Variants in CACNA1H observed in about 807,000 individuals in gnomAD.
The protein encoded by CACNA1H is voltage-dependent T-type calcium channel subunit alpha-1H.
In CACNA1H, 149 loss-of-function variants were observed where a neutral mutation model predicts 192.5. The observed-to-expected ratio is 0.77, with a 90% CI of 0.68 to 0.89. The LOEUF is 0.89. Ranked by LOEUF, CACNA1H falls within the 40% of genes least tolerant of loss-of-function variation. The probability of loss-of-function intolerance (pLI) is 0.00; values close to 1 mark genes in which losing one functional copy is unlikely to be tolerated. For synonymous variants in CACNA1H, 2,202 were observed against 1,475.2 expected, an observed-to-expected ratio of 1.49 and a Z score of -11.29; for missense variants, 4,257 against 3,423.5, an observed-to-expected ratio of 1.24 and a Z score of -6.08.
rs377061296 is a variant in CACNA1H at position 1,201,759 on chromosome 16, C to T, written c.1309C>T (p.Arg437Trp). The stretch of plus-strand genomic sequence containing the variant: ...GGAGAGTCAGCTGATGCGGGAGCAG[C>T]GGGCACGCCACCTGTCCAACGACAG... ...QRESQLMREQ[R>W]ARHLSNDSTL... Residue 437 changes from arginine (R) to tryptophan (W), a missense_variant, in exon 9 of 35, where the codon CGG becomes TGG. Coordinates refer to ENST00000348261, the MANE Select transcript of CACNA1H (RefSeq NM_021098.3). 1.2e-4 allele frequency: 197 copies of T among 1,607,826 alleles called. No homozygotes were observed. The highest frequency in any genetic ancestry group is 3.1e-4 in the South Asian group (28 of 89,992).
At chr16:1,204,513 G>A in intron 10 of CACNA1H, 55 bp downstream of exon 10, 1 of 1,385,092 alleles carries the variant, frequency 7.2e-7, no homozygotes, top group Non-Finnish European at 9.8e-7. Flanking sequence ...CAGGGCCTGG[G>A]GAGTCTCAGG....
chr16:1,159,194 G>T (rs1343612358), intron 2 of CACNA1H, among the ~76,000 whole-genome samples: 4 of 152,332 alleles, frequency 2.6e-5, no homozygotes, highest in African/African-American at 9.6e-5. Context: ...CCGGGTGTCC[G>T]TATCCCGGGG....
At position 1,195,475 on chromosome 16, in the gene CACNA1H, T is replaced by G; in HGVS notation, c.455T>G (p.Val152Gly). 6.3e-7 allele frequency: 1 copy of G among 1,581,704 alleles called. No individual in the cohort carries two copies. Among genetic ancestry groups the G allele is most frequent in the Non-Finnish European group, 8.6e-7 (1 of 1,163,648 alleles). ...FIFAFFAVEM[V>G]IKMVALGLFG... ...TTCGCCTTTTTTGCGGTGGAGATGG[T>G]CATCAAGATGGTGGCCTTGGGGCTG... Residue 152 changes from valine to glycine, a missense_variant, in exon 4 of 35, where the codon GTC (valine) becomes GGC (glycine). By Grantham distance (109) the Val-to-Gly change is moderately radical. Coordinates refer to ENST00000348261, the MANE Select transcript of CACNA1H (RefSeq NM_021098.3).
chr16:1,179,075 G>A (rs964961105), intron 2 of CACNA1H, among the ~76,000 whole-genome samples: 15 of 152,334 alleles, frequency 9.8e-5, no homozygotes, highest in South Asian at 6.2e-4. Context: ...AGGCTGTGGC[G>A]GGTGTAGGGT....
chr16:1,207,654 C>A, intron 14 of CACNA1H, 116 bp from the exon 15 acceptor site: 1 of 1,006,186 alleles, frequency 9.9e-7, no homozygotes, highest in East Asian at 2.6e-5. Context: ...GTGACATCAT[C>A]CTCTGGGCCC....
intron 2 of CACNA1H, among the ~76,000 whole-genome samples, chr16:1,156,460 C>T (rs1962405832): frequency 1.3e-5 from 2 of 152,096 alleles, no homozygotes; most frequent in African/African-American, 4.8e-5. Context: ...CCGGGGAAGC[C>T]CATGTGGGCC....
Position 1,215,594 on chromosome 16 carries a change from G to A in CACNA1H, c.5244+1G>A. On this transcript the variant is annotated splice_donor_variant, in intron 30 of 34. Transcript: ENST00000348261. LOFTEE classifies it high-confidence loss of function. ...CACTGTGGTGCAAGCTCTCCCCCAG[G>A]TAGGTGGAGCCCGCGCCATCCTCAG... is the stretch of plus-strand genomic sequence containing the variant. The A allele has an allele frequency of 6.2e-7, 1 of 1,610,638 alleles. No individual in the cohort carries two copies. Among genetic ancestry groups the A allele is most frequent in the Non-Finnish European group, 8.5e-7 (1 of 1,179,102 alleles).
rs200724225 is a variant in CACNA1H, at chr16:1,220,477, G to A, written c.6545G>A (p.Arg2182His). 302 of 1,545,780 alleles carry A rather than the reference G, an allele frequency of 2.0e-4. No homozygotes were observed. Among genetic ancestry groups the A allele is most frequent in the South Asian group, 4.6e-4 (36 of 78,858 alleles). Residue 2182 changes from arginine (R) to histidine (H), a missense_variant, in exon 35 of 35, where the codon CGC (arginine) becomes CAC (histidine). Arg to His is a conservative substitution (Grantham distance 29, BLOSUM62 0). Coordinates refer to ENST00000348261, the MANE Select transcript of CACNA1H (RefSeq NM_021098.3). ...GAGGCCGAGCCCGCTCTGGGTGCGC[G>A]CAGAAAGAAGAAGATGAGCCCCCCC... Reference protein sequence around the residue: ...GPEAEPALGARRKKKMSPPCI... With the variant: ...GPEAEPALGAHRKKKMSPPCI...
chr16:1,155,676 C>G (rs542447395), intron 2 of CACNA1H, among the ~76,000 whole-genome samples: 6 of 152,184 alleles, frequency 3.9e-5, no homozygotes, highest in Admixed American at 2.6e-4. Flanking sequence ...TTCACAGCCC[C>G]GGGCCTGGCT....
In CACNA1H at chr16:1,214,963, C is replaced by T. The variant is rs771406424; in HGVS notation, c.4930-9C>T. The T allele has an allele frequency of 2.3e-5, 36 of 1,594,114 alleles. No homozygotes were observed. Among genetic ancestry groups the T allele is most frequent in the Non-Finnish European group, 2.9e-5 (34 of 1,168,740 alleles). On this transcript the variant is annotated splice_polypyrimidine_tract_variant and intron_variant, in intron 27 of 34. Coordinates refer to ENST00000348261, the MANE Select transcript of CACNA1H (RefSeq NM_021098.3). Reference sequence around the variant, plus strand: ...CCCCACCTCAGCCAGCCCGACCCTCCACCCCCAGTCGCTGGACGAGGCCCT... The same window carrying T: ...CCCCACCTCAGCCAGCCCGACCCTCTACCCCCAGTCGCTGGACGAGGCCCT...
rs1022773179 is a variant in CACNA1H, at chr16:1,197,330, C to T, written c.644-1285C>T. Among the ~76,000 whole-genome samples the T allele has an allele frequency of 2.0e-5, 3 of 152,238 alleles. No homozygotes were observed. In the South Asian group the frequency reaches 6.2e-4, roughly 32 times the overall value. ...CTCTTGGCCCTTTGCCCGGCACCCA[C>T]TGTACGTTCAGTCTGCACGCCGGCC... On this transcript the variant is annotated intron_variant, in intron 5 of 34. Coordinates refer to ENST00000348261, the MANE Select transcript of CACNA1H (RefSeq NM_021098.3).
At position 1,218,385 on chromosome 16, in the gene CACNA1H, C is replaced by T. The variant is rs374807892; in HGVS notation, c.5621C>T (p.Ala1874Val). The change falls in exon 33 of 35, where the codon GCG (alanine) becomes GTG (valine). Residue 1874 changes from alanine (A) to valine (V), a missense_variant. Physicochemically the swap from Ala to Val is moderately conservative, Grantham distance 64 (BLOSUM62 0). Transcript: ENST00000348261. ...AGCAACAAGGAGGCACGGGAGGATGCGGAGCTGGACGCCGAGATCGAGCTG... is the reference window on the plus strand; with the variant it reads ...AGCAACAAGGAGGCACGGGAGGATGTGGAGCTGGACGCCGAGATCGAGCTG... ...EESNKEARED[A>V]ELDAEIELEM... The T allele has an allele frequency of 1.1e-4, 172 of 1,559,796 alleles. No individual in the cohort carries two copies. The highest frequency in any genetic ancestry group is 2.7e-5 in the African/African-American group (2 of 73,390).
At chr16:1,155,406 A>G (rs1183051188) in intron 2 of CACNA1H, among the ~76,000 whole-genome samples, 1 of 152,194 alleles carries the variant, frequency 6.6e-6, no homozygotes, top group African/African-American at 2.4e-5. Flanking sequence ...TCTAGAACCA[A>G]GGCGGGAGGT....
chr16:1,198,496 G>T (rs931408783), intron 5 of CACNA1H, 119 bp from the exon 6 acceptor site: 33 of 1,081,126 alleles, frequency 3.1e-5, no homozygotes, highest in Non-Finnish European at 4.3e-5. Context: ...TCAGTGTGCA[G>T]TGGGCGTGGA....
chr16:1,155,689 C>G (rs1017903375), intron 2 of CACNA1H, among the ~76,000 whole-genome samples: 1 of 152,150 alleles, frequency 6.6e-6, no homozygotes, highest in Admixed American at 6.5e-5. Flanking sequence ...GCCTGGCTGT[C>G]CTGTCCCCTC....
rs1205192987 is a variant in CACNA1H at position 1,219,223 on chromosome 16, C to T, written c.6048+93C>T. 3.1e-6 allele frequency: 4 copies of T among 1,286,356 alleles called. No homozygotes were observed. The African/African-American group carries it at 4.5e-5, about 14-fold the overall frequency. The allele number at this position is 1,286,356 out of a possible 1,614,324, so 79.7% of individuals were successfully genotyped here. On this transcript the variant is annotated intron_variant, in intron 34 of 34. Coordinates refer to ENST00000348261, the MANE Select transcript of CACNA1H (RefSeq NM_021098.3). ...CATCTGAAGGACCAGCAGACGAGGA[C>T]AAGGCAGGAGGAGGGTCGCACTGGG...
rs1013356424 is a variant in CACNA1H, at chr16:1,167,162, G to A, written c.299+13126G>A. ...CCTTTCCTCGCCGACCCTTTGGGGC[G>A]TCTCCCATCGGGAAATGGCAGCCCC... is the stretch of plus-strand genomic sequence containing the variant. On this transcript the variant is annotated intron_variant, in intron 2 of 34. Coordinates refer to ENST00000348261, the MANE Select transcript of CACNA1H (RefSeq NM_021098.3). This position sits in a 1 kb window ranked among gnomAD's most constrained non-coding sequence, Gnocchi z 4.2. 5.9e-5 allele frequency among the ~76,000 whole-genome samples: 9 copies of A among 152,294 alleles called. No individual in the cohort carries two copies. The highest frequency in any genetic ancestry group is 1.4e-4 in the African/African-American group (6 of 41,582).
chr16:1,217,856 G>A (rs1970158188), intron 31 of CACNA1H, 63 bp from the exon 32 acceptor site: 1 of 1,522,106 alleles, frequency 6.6e-7, no homozygotes, highest in Non-Finnish European at 8.9e-7. Flanking sequence ...TGGAGGCTGG[G>A]TGCATGTCCC....
chr16:1,203,601 G>C (rs1382454016), intron 9 of CACNA1H, among the ~76,000 whole-genome samples: 1 of 152,164 alleles, frequency 6.6e-6, no homozygotes, highest in Non-Finnish European at 1.5e-5. Flanking sequence ...CTCAGCTCTG[G>C]AGGCCAGTGC....
Sources: allele counts gnomAD v4.1 joint callset (sites outside exome capture counted in the v4.1 genomes callset), GRCh38; gene constraint gnomAD v4.1.1; non-coding constraint Gnocchi (gnomAD v3.1); transcripts MANE v1.5; gene names NCBI Gene and HGNC (gene_info 2026-07-23, HGNC 2026-07-21).